Variants in METAP1 observed in about 807,000 individuals in gnomAD.
METAP1 encodes methionyl aminopeptidase 1, also known as methionine aminopeptidase 1.
In METAP1, 28 loss-of-function variants were observed where a neutral mutation model predicts 53.8. That is an observed-to-expected ratio of 0.52 (90% CI 0.39 to 0.71). The LOEUF (loss-of-function observed/expected upper bound fraction) is 0.71. Among genes scored for constraint, METAP1 ranks in the 30% least tolerant of loss-of-function variants. The pLI is 0.00. For synonymous variants in METAP1, 181 were observed against 165.7 expected (o/e 1.09, Z -0.71); for missense variants, 389 against 479.8 (o/e 0.81, Z 1.77).
At chr4:99,011,427 T>C (rs530768330) in intron 1 of METAP1, among the ~76,000 whole-genome samples, 1 of 152,396 alleles carries the variant, frequency 6.6e-6, no homozygotes, top group Non-Finnish European at 1.5e-5. Context: ...ATGTGATTTT[T>C]ATCCTTCATT....
rs148767873 is a variant in METAP1, at chr4:99,030,149, A to G, written c.166+1231A>G. Among the ~76,000 whole-genome samples the G allele has an allele frequency of 8.0e-4, 122 of 152,294 alleles. 2 individuals are homozygous for G. The highest frequency in any genetic ancestry group is 6.8e-3 in the Middle Eastern group (2 of 294). ...AGTTACTAGCATTTTATACCCAGGA[A>G]GTTAAAAGCATTGGTAAGTAATAAA... On this transcript the variant is annotated intron_variant, in intron 2 of 10. Coordinates refer to ENST00000296411, the MANE Select transcript of METAP1 (RefSeq NM_015143.3).
chr4:99,046,804 G>A (rs72910916), intron 8 of METAP1, among the ~76,000 whole-genome samples: 1 of 151,870 alleles, frequency 6.6e-6, no homozygotes, highest in African/African-American at 2.4e-5. Context: ...TACAGGAGGT[G>A]GAATTGAAGA....
intron 10 of METAP1, among the ~76,000 whole-genome samples, chr4:99,058,949 G>A (rs914442852): frequency 1.6e-4 from 24 of 152,212 alleles, no homozygotes; most frequent in Admixed American, 3.3e-4. Flanking sequence ...GTGCAGTAAA[G>A]TTTTTGTCAT....
chr4:99,050,521 A>G (rs551560226), intron 9 of METAP1, among the ~76,000 whole-genome samples: 15 of 152,272 alleles, frequency 9.9e-5, no homozygotes, highest in African/African-American at 3.4e-4. Context: ...CTAAGGGAGA[A>G]GCTGGAGCAG....
chr4:99,058,323 A>G (rs1186845007), intron 10 of METAP1, among the ~76,000 whole-genome samples: 1 of 152,096 alleles, frequency 6.6e-6, no homozygotes, highest in Admixed American at 6.5e-5. Flanking sequence ...ACTTGGCAGA[A>G]TTTGTCAGAC....
At chr4:99,006,331 C>T (rs1444921006) in intron 1 of METAP1, among the ~76,000 whole-genome samples, 1 of 152,128 alleles carries the variant, frequency 6.6e-6, no homozygotes, top group Non-Finnish European at 1.5e-5. Context: ...TACTGAGTTT[C>T]TCTAGCTTTT....
chr4:99,027,547 C>T (rs1724652582), intron 1 of METAP1, among the ~76,000 whole-genome samples: 1 of 151,494 alleles, frequency 6.6e-6, no homozygotes, highest in Admixed American at 6.6e-5. Flanking sequence ...AGAGGTCACC[C>T]CCCCCCCGCC....
At chr4:99,044,369 T>G (rs937360044) in intron 7 of METAP1, among the ~76,000 whole-genome samples, 9 of 152,224 alleles carry the variant, frequency 5.9e-5, no homozygotes, top group Non-Finnish European at 1.3e-4. Flanking sequence ...CTGTGAATGA[T>G]AGCCGAAATT....
chr4:99,015,177 C>T (rs956958382), intron 1 of METAP1, among the ~76,000 whole-genome samples: 10 of 152,120 alleles, frequency 6.6e-5, no homozygotes, highest in Admixed American at 2.0e-4. Context: ...ATATTTAATC[C>T]GTTTTAACCA....
At chr4:99,031,109 T>TG (rs950014825) in intron 2 of METAP1, among the ~76,000 whole-genome samples, 3 of 149,332 alleles carry the variant, frequency 2.0e-5, no homozygotes, top group South Asian at 2.1e-4. Context: ...TAGTTTTTTT[T>TG]TTTTTTTTTT....
intron 1 of METAP1, among the ~76,000 whole-genome samples, chr4:99,018,083 AAT>A (rs1723881500): frequency 6.6e-6 from 1 of 152,270 alleles, no homozygotes; most frequent in African/African-American, 2.4e-5. Flanking sequence ...CTCATAAAGC[AAT>A]TTACTTCTTA....
Position 99,061,214 on chromosome 4 carries a change from G to A in METAP1, c.1058G>A (p.Arg353Gln), listed in dbSNP as rs1417846347. ...ACTGCGGTGACAAGAGACGGAAAGC[G>A]GTCTGCTCAGTTTGAGCACACCCTC... ...GWTAVTRDGK[R>Q]SAQFEHTLLV... The change falls in exon 11 of 11, where the codon CGG becomes CAG. Residue 353 changes from arginine (R) to glutamine (Q), a missense_variant. By Grantham distance (43) the Arg-to-Gln change is conservative. Transcript: ENST00000296411. 3.7e-6 allele frequency: 6 copies of A among 1,613,872 alleles called. No homozygotes were observed. Among genetic ancestry groups the A allele is most frequent in the South Asian group, 1.1e-5 (1 of 91,064 alleles).
At chr4:99,055,607 A>G (rs2110424243) in intron 9 of METAP1, among the ~76,000 whole-genome samples, 1 of 152,332 alleles carries the variant, frequency 6.6e-6, no homozygotes, top group East Asian at 1.9e-4. Context: ...TGGGAAACTG[A>G]AACTTTAATC....
At chr4:99,041,227 T>G (rs889301654) in intron 6 of METAP1, 101 bp downstream of exon 6, 2 of 713,782 alleles carry the variant, frequency 2.8e-6, no homozygotes, top group South Asian at 6.2e-5. Flanking sequence ...CTAAGGTAAC[T>G]TGGGTAAACT....
intron 10 of METAP1, among the ~76,000 whole-genome samples, chr4:99,060,457 A>G (rs976474165): frequency 3.7e-5 from 5 of 136,500 alleles, no homozygotes; most frequent in African/African-American, 1.4e-4. Flanking sequence ...TCTGCCTCCC[A>G]GGTTCATGCC....
chr4:99,009,438 T>G (rs1723360532), intron 1 of METAP1, among the ~76,000 whole-genome samples: 1 of 152,220 alleles, frequency 6.6e-6, no homozygotes, highest in African/African-American at 2.4e-5. Flanking sequence ...TGAGGAGCAG[T>G]CATTCTGTTT....
intron 8 of METAP1, among the ~76,000 whole-genome samples, chr4:99,046,661 GTTCT>G: frequency 6.6e-6 from 1 of 152,108 alleles, no homozygotes; most frequent in African/African-American, 2.4e-5. Context: ...TTTTTAGTGC[GTTCT>G]TTAATGTGTA....
At chr4:99,005,122 A>G (rs992546660) in intron 1 of METAP1, among the ~76,000 whole-genome samples, 16 of 152,312 alleles carry the variant, frequency 1.1e-4, no homozygotes, top group East Asian at 9.6e-4. Context: ...TTGTACTTCA[A>G]AATAAATAAT....
intron 1 of METAP1, among the ~76,000 whole-genome samples, chr4:99,001,820 T>G (rs937380449): frequency 5.3e-5 from 8 of 152,244 alleles, no homozygotes; most frequent in Non-Finnish European, 7.3e-5. Context: ...CTATATCCTT[T>G]TCCAGAACAG....
Sources: gnomAD v4.1 joint callset for allele counts (sites outside exome capture counted in the v4.1 genomes callset) on GRCh38, gnomAD v4.1.1 for gene constraint, MANE v1.5 for transcripts, NCBI Gene and HGNC (gene_info 2026-07-23, HGNC 2026-07-21) for gene names.